The following PDE1C variants were observed in gnomAD, a reference collection of about 807,000 sequenced individuals.
PDE1C encodes phosphodiesterase 1C, also known as dual specificity calcium/calmodulin-dependent 3',5'-cyclic nucleotide phosphodiesterase 1C.
In PDE1C, 62 loss-of-function variants were observed where a neutral mutation model predicts 93.1. The observed-to-expected ratio is 0.67, with a 90% CI of 0.54 to 0.82. The LOEUF (loss-of-function observed/expected upper bound fraction) is 0.82, where lower values mean the gene tolerates loss of function less well. Among genes scored for constraint, PDE1C ranks in the 40% least tolerant of loss-of-function variants. PDE1C has a pLI of 0.00. For synonymous variants in PDE1C, 325 were observed against 310.1 expected (o/e 1.05, Z -0.50); for missense variants, 742 against 884.6 (o/e 0.84, Z 2.04).
chr7:31,934,557 A>G (rs1252140435), intron 2 of PDE1C, among the ~76,000 whole-genome samples: 4 of 79,708 alleles, frequency 5.0e-5, no homozygotes, highest in Non-Finnish European at 1.3e-4. Context: ...TAGCACCACC[A>G]ATACAAAAAA....
chr7:32,279,359 A>G (rs1811481639), intron 1 of PDE1C, among the ~76,000 whole-genome samples: 1 of 152,218 alleles, frequency 6.6e-6, no homozygotes, highest in Non-Finnish European at 1.5e-5. Flanking sequence ...ACAGGTACAA[A>G]GTTGCACTTA....
At chr7:31,996,431 T>G (rs936020340) in intron 2 of PDE1C, among the ~76,000 whole-genome samples, 16 of 152,328 alleles carry the variant, frequency 1.1e-4, no homozygotes, top group African/African-American at 3.6e-4. Flanking sequence ...ACTGCTTTCA[T>G]AAGAGGAAAC....
rs141035317 is a variant in PDE1C, at chr7:32,180,458, T to C, written c.137-10502A>G. Among the ~76,000 whole-genome samples, 141 of 152,244 alleles carry C rather than the reference T, an allele frequency of 9.3e-4. 2 individuals are homozygous for C. In the Middle Eastern group the frequency reaches 0.01, roughly 11 times the overall value. On this transcript the variant is annotated intron_variant, in intron 2 of 18. Transcript: ENST00000396193. The stretch of plus-strand genomic sequence containing the variant: ...AAGAGGTGTGGCCTTTGGGAGGTGA[T>C]TGGGTCATGAGGGATTCACGGAAGG...
intron 7 of PDE1C, among the ~76,000 whole-genome samples, chr7:31,853,435 AGAAT>A (rs1260351797): frequency 2.0e-5 from 3 of 152,164 alleles, no homozygotes; most frequent in Non-Finnish European, 4.4e-5. Context: ...CATTTTCAGA[AGAAT>A]GAACTAAATG....
At chr7:32,088,162 A>G (rs1432714381) in intron 3 of PDE1C, among the ~76,000 whole-genome samples, 1 of 152,182 alleles carries the variant, frequency 6.6e-6, no homozygotes, top group Non-Finnish European at 1.5e-5. Context: ...AACCACTACT[A>G]ATAAATGCAT....
At chr7:31,645,655 A>C in the PDE1C span, among the ~76,000 whole-genome samples, 1 of 152,146 alleles carries the variant, frequency 6.6e-6, no homozygotes, top group African/African-American at 2.4e-5. Context: ...GGGGATTTTA[A>C]ATGCCCTAAG....
chr7:32,214,171 G>A (rs964193620), intron 1 of PDE1C, among the ~76,000 whole-genome samples: 15 of 151,106 alleles, frequency 9.9e-5, no homozygotes, highest in Admixed American at 1.3e-4. Context: ...ATACATACAC[G>A]GACACATATA....
intron 3 of PDE1C, among the ~76,000 whole-genome samples, chr7:32,095,725 C>T (rs910695018): frequency 1.3e-5 from 2 of 152,190 alleles, no homozygotes; most frequent in Non-Finnish European, 2.9e-5. Context: ...GCTGGGGGTG[C>T]TTCTCTGTTT....
At position 32,426,511 on chromosome 7, in the gene PDE1C, G is replaced by T. The variant is rs947315182; in HGVS notation, c.310+1311C>A. On this transcript the variant is annotated intron_variant, in intron 1 of 1. Transcript: ENST00000672256. ...ACTGGTCTTGAACTCCTGAGCTCAAGCAATCCACCTCTCAAAGGGCTGGGA... is the reference window on the plus strand; with the variant it reads ...ACTGGTCTTGAACTCCTGAGCTCAATCAATCCACCTCTCAAAGGGCTGGGA... Among the ~76,000 whole-genome samples, 6 of 152,046 alleles carry T rather than the reference G, an allele frequency of 3.9e-5. No homozygotes were observed. The South Asian group carries it at 1.2e-3, about 31-fold the overall frequency.
chr7:31,755,613 A>G (rs1332292751), intron 17 of PDE1C, among the ~76,000 whole-genome samples: 1 of 152,232 alleles, frequency 6.6e-6, no homozygotes, highest in Non-Finnish European at 1.5e-5. Context: ...CAAATACAAC[A>G]ATAGACAAAG....
chr7:31,692,462 G>T, the PDE1C span: 2 of 1,611,366 alleles, frequency 1.2e-6, no homozygotes, highest in East Asian at 2.2e-5. Context: ...CTGAGCAAAT[G>T]CAGCCACTGG....
chr7:31,934,520 T>C (rs1405391986), intron 2 of PDE1C, among the ~76,000 whole-genome samples: 2 of 148,692 alleles, frequency 1.3e-5, no homozygotes, highest in African/African-American at 5.0e-5. Flanking sequence ...GAAAATTTAT[T>C]ACATAAACAT....
chr7:31,672,862 G>A, the PDE1C span, among the ~76,000 whole-genome samples: 1 of 152,148 alleles, frequency 6.6e-6, no homozygotes, highest in African/African-American at 2.4e-5. Flanking sequence ...AGACCTGGTG[G>A]GAAGCAACTG....
At chr7:31,738,635 G>C in the PDE1C span, among the ~76,000 whole-genome samples, 1 of 152,264 alleles carries the variant, frequency 6.6e-6, no homozygotes, top group African/African-American at 2.4e-5. Flanking sequence ...CATCCCAGGG[G>C]GCATAATTCC....
At chr7:32,301,212 C>T (rs1002664059), upstream of PDE1C, among the ~76,000 whole-genome samples, 1 of 152,104 alleles carries the variant, frequency 6.6e-6, no homozygotes, top group African/African-American at 2.4e-5. Flanking sequence ...TTTCTCCCAT[C>T]TTCCCAAGCT....
At chr7:32,007,079 T>A (rs906233290) in intron 2 of PDE1C, among the ~76,000 whole-genome samples, 5 of 152,244 alleles carry the variant, frequency 3.3e-5, no homozygotes, top group African/African-American at 1.2e-4. Flanking sequence ...ACATGCACCA[T>A]GACTAAATAA....
chr7:32,077,949 T>C (rs1486323811), intron 3 of PDE1C: 1 of 985,314 alleles, frequency 1.0e-6, no homozygotes, highest in African/African-American at 1.7e-5. Flanking sequence ...CTCCAGCTAG[T>C]GGCAGGGCAG....
In PDE1C at chr7:31,927,131, T is replaced by A. The variant is rs200922543; in HGVS notation, c.129-46271A>T. Reference sequence around the variant, plus strand: ...GACGATTGAGCTTGGTGTGGGGAGGTGCATCTGCCATTACTGAGACCTGAG... The same window carrying A: ...GACGATTGAGCTTGGTGTGGGGAGGAGCATCTGCCATTACTGAGACCTGAG... On this transcript the variant is annotated intron_variant, in intron 2 of 17. Coordinates refer to ENST00000396191, the MANE Select transcript of PDE1C (RefSeq NM_001191057.4). Among the ~76,000 whole-genome samples the A allele has an allele frequency of 4.6e-5, 7 of 151,500 alleles. No homozygotes were observed. In the East Asian group the frequency reaches 1.4e-3, roughly 30 times the overall value.
chr7:31,767,830 T>G (rs989686622), intron 17 of PDE1C, among the ~76,000 whole-genome samples: 1 of 152,114 alleles, frequency 6.6e-6, no homozygotes, highest in Non-Finnish European at 1.5e-5. Flanking sequence ...CCTCTTATGG[T>G]AAAAACAGAC....
Sources: gnomAD v4.1 joint callset for allele counts (sites outside exome capture counted in the v4.1 genomes callset) on GRCh38, gnomAD v4.1.1 for gene constraint, MANE v1.5 for transcripts, NCBI Gene and HGNC (gene_info 2026-07-23, HGNC 2026-07-21) for gene names.